Variants in NTNG1 observed in about 807,000 individuals in gnomAD.
NTNG1 encodes netrin G1.
In NTNG1, 16 loss-of-function variants were observed where a neutral mutation model predicts 54.0. The observed-to-expected ratio is 0.30, with a 90% CI of 0.20 to 0.45. The LOEUF (loss-of-function observed/expected upper bound fraction) is 0.45, where lower values mean the gene tolerates loss of function less well. Among genes scored for constraint, NTNG1 ranks in the 20% least tolerant of loss-of-function variants. NTNG1 has a pLI of 1.00. For missense variants in NTNG1, 530 were observed against 678.7 expected (o/e 0.78, Z 2.43); for synonymous variants, 255 against 263.1 (o/e 0.97, Z 0.30).
rs150751842 is a variant in NTNG1 at position 107,367,773 on chromosome 1, T to C, written c.888-27381T>C. ...TGTTTTTTTGTTTTTTGGGGGTATTTTTTTGTTGACATGGAGTCTCACTCT... is the reference window on the plus strand; with the variant it reads ...TGTTTTTTTGTTTTTTGGGGGTATTCTTTTGTTGACATGGAGTCTCACTCT... On this transcript the variant is annotated intron_variant, in intron 3 of 7. Coordinates refer to ENST00000370068, the MANE Select transcript of NTNG1 (RefSeq NM_001113226.3). Among the ~76,000 whole-genome samples the C allele has an allele frequency of 4.9e-3, 739 of 152,186 alleles. 7 individuals carry two copies. Among genetic ancestry groups the C allele is most frequent in the African/African-American group, 0.017 (706 of 41,520 alleles).
At chr1:107,266,263 A>G (rs1003990315) in intron 2 of NTNG1, among the ~76,000 whole-genome samples, 3 of 152,172 alleles carry the variant, frequency 2.0e-5, no homozygotes, top group Non-Finnish European at 4.4e-5. Context: ...CCATTCTTGC[A>G]GGGCTATAAA....
At chr1:107,313,172 A>T (rs1667124446) in intron 2 of NTNG1, among the ~76,000 whole-genome samples, 1 of 152,118 alleles carries the variant, frequency 6.6e-6, no homozygotes, top group Non-Finnish European at 1.5e-5. Flanking sequence ...TGTTTCTCAA[A>T]ATTTTTATGA....
intron 2 of NTNG1, among the ~76,000 whole-genome samples, chr1:107,241,129 G>A (rs531981801): frequency 1.3e-5 from 2 of 152,204 alleles, no homozygotes; most frequent in East Asian, 3.9e-4. Flanking sequence ...CAGTTTTCAG[G>A]CTGTGACATG....
chr1:107,434,636 C>T (rs1675488237), intron 6 of NTNG1, among the ~76,000 whole-genome samples: 1 of 152,128 alleles, frequency 6.6e-6, no homozygotes, highest in South Asian at 2.1e-4. Flanking sequence ...GTTGGGTAAT[C>T]AGAGGTACCT....
intron 2 of NTNG1, among the ~76,000 whole-genome samples, chr1:107,243,743 A>G (rs1179375306): frequency 2.0e-5 from 3 of 152,096 alleles, no homozygotes; most frequent in Non-Finnish European, 4.4e-5. Flanking sequence ...GAGAGAGGGA[A>G]AGGAGCTATG....
intron 2 of NTNG1, among the ~76,000 whole-genome samples, chr1:107,191,483 T>C (rs1477627345): frequency 6.6e-6 from 1 of 152,196 alleles, no homozygotes; most frequent in Non-Finnish European, 1.5e-5. Context: ...TTTGGTGTTT[T>C]AGACATGAAG....
intron 4 of NTNG1, among the ~76,000 whole-genome samples, chr1:107,398,215 C>A (rs1278479689): frequency 2.0e-5 from 3 of 152,084 alleles, no homozygotes; most frequent in Non-Finnish European, 4.4e-5. Context: ...GTGCAGTGCA[C>A]CAGCATGGCA....
intron 2 of NTNG1, among the ~76,000 whole-genome samples, chr1:107,196,705 A>T (rs1372184675): frequency 6.6e-6 from 1 of 152,058 alleles, no homozygotes. Context: ...AAAAACTGTT[A>T]TGAGTTTTAT....
chr1:107,363,823 T>A lies in NTNG1; in HGVS notation c.888-31331T>A, dbSNP rs1355198228. Reference sequence around the variant, plus strand: ...TGCACATGTATATTTCCTCAAATATTATATACAATACTTTCATTATTAAAT... The same window carrying A: ...TGCACATGTATATTTCCTCAAATATAATATACAATACTTTCATTATTAAAT... On this transcript the variant is annotated intron_variant, in intron 3 of 7. Transcript: ENST00000370068. Among the ~76,000 whole-genome samples the A allele has an allele frequency of 2.6e-5, 4 of 152,238 alleles. No homozygotes were observed. The East Asian group carries it at 7.7e-4, about 29-fold the overall frequency.
At chr1:107,408,909 C>T (rs533192804) in intron 5 of NTNG1, 9 of 152,186 alleles carry the variant, frequency 5.9e-5, no homozygotes, top group South Asian at 2.1e-4. Context: ...CTTATAAATG[C>T]ACAGTCAGGT....
At chr1:107,421,176 T>A in intron 5 of NTNG1, 1 of 1,436,644 alleles carries the variant, frequency 7.0e-7, no homozygotes, top group Non-Finnish European at 9.8e-7. Context: ...AGTGATTTCA[T>A]GGTGTTATGT....
At chr1:107,189,287 G>T (rs1041439867) in intron 2 of NTNG1, among the ~76,000 whole-genome samples, 1 of 147,798 alleles carries the variant, frequency 6.8e-6, no homozygotes, top group African/African-American at 2.5e-5. Flanking sequence ...GGAGGCAGAG[G>T]TTGCAGTGAA....
At chr1:107,166,450 G>A (rs982145366) in intron 2 of NTNG1, among the ~76,000 whole-genome samples, 2 of 151,976 alleles carry the variant, frequency 1.3e-5, no homozygotes, top group African/African-American at 4.8e-5. Flanking sequence ...ATCTTTAAAT[G>A]CAATAATGTA....
intron 7 of NTNG1, among the ~76,000 whole-genome samples, chr1:107,444,549 T>C (rs1676191892): frequency 6.6e-6 from 1 of 152,176 alleles, no homozygotes; most frequent in Non-Finnish European, 1.5e-5. Context: ...GAGGCTTGCC[T>C]ACTATTTAGC....
intron 3 of NTNG1, among the ~76,000 whole-genome samples, chr1:107,364,508 T>C (rs1670475687): frequency 6.6e-6 from 1 of 152,212 alleles, no homozygotes; most frequent in Non-Finnish European, 1.5e-5. Flanking sequence ...AAAAGACTCA[T>C]TGAATTTTCT....
At chr1:107,295,509 T>C (rs1665887283) in intron 2 of NTNG1, among the ~76,000 whole-genome samples, 1 of 152,202 alleles carries the variant, frequency 6.6e-6, no homozygotes, top group South Asian at 2.1e-4. Context: ...AGTGTAAGCA[T>C]GAAGAAAACA....
chr1:107,339,645 C>T (rs1668786515), intron 3 of NTNG1, among the ~76,000 whole-genome samples: 1 of 151,970 alleles, frequency 6.6e-6, no homozygotes, highest in African/African-American at 2.4e-5. Flanking sequence ...ACTTTGTTAG[C>T]TTTGTGAGAA....
At chr1:107,170,173 C>T (rs1656113410) in intron 2 of NTNG1, among the ~76,000 whole-genome samples, 1 of 152,082 alleles carries the variant, frequency 6.6e-6, no homozygotes, top group South Asian at 2.1e-4. Flanking sequence ...TCAAAAAGAC[C>T]ATCACCTCTA....
intron 2 of NTNG1, among the ~76,000 whole-genome samples, chr1:107,317,348 T>C (rs2101855714): frequency 6.6e-6 from 1 of 152,306 alleles, no homozygotes; most frequent in Non-Finnish European, 1.5e-5. Flanking sequence ...AAATACTCTA[T>C]GAAACCCTTA....
Sources: gnomAD v4.1 joint callset for allele counts (sites outside exome capture counted in the v4.1 genomes callset) on GRCh38, gnomAD v4.1.1 for gene constraint, MANE v1.5 for transcripts, NCBI Gene and HGNC (gene_info 2026-07-23, HGNC 2026-07-21) for gene names.